SLC1A7: variants seen among roughly 807,000 people sequenced by gnomAD.
The protein encoded by SLC1A7 is solute carrier family 1 member 7, also known as excitatory amino acid transporter 5.
In SLC1A7, 40 loss-of-function variants were observed where a neutral mutation model predicts 47.7. That is an observed-to-expected ratio of 0.84 (90% CI 0.65 to 1.09). The LOEUF (loss-of-function observed/expected upper bound fraction) is 1.09, where lower values mean the gene tolerates loss of function less well. Ranked by LOEUF, SLC1A7 falls within the 50% of genes least tolerant of loss-of-function variation. The pLI is 0.00. For synonymous variants in SLC1A7, 323 were observed against 325.6 expected, an observed-to-expected ratio of 0.99 and a Z score of 0.09; for missense variants, 746 against 769.5, an observed-to-expected ratio of 0.97 and a Z score of 0.36.
At chr1:53,103,598 G>A (rs1321571107) in intron 4 of SLC1A7, 30 bp from the exon 5 acceptor site, 1 of 1,407,176 alleles carries the variant, frequency 7.1e-7, no homozygotes, top group Admixed American at 2.2e-5. Flanking sequence ...CCAGAGAGAA[G>A]TCAGGGCCAA....
chr1:53,099,663 C>T (rs1165896097), intron 5 of SLC1A7, among the ~76,000 whole-genome samples: 1 of 151,612 alleles, frequency 6.6e-6, no homozygotes, highest in African/African-American at 2.4e-5. Context: ...TACACTCACA[C>T]ACCTTGCCTC....
chr1:53,110,574 C>A (rs1482573920), intron 3 of SLC1A7, among the ~76,000 whole-genome samples: 1 of 152,122 alleles, frequency 6.6e-6, no homozygotes, highest in Non-Finnish European at 1.5e-5. Flanking sequence ...AGCCCCGCAG[C>A]CCCTGAGTAA....
chr1:53,127,173 G>A (rs1406587993), intron 2 of SLC1A7, among the ~76,000 whole-genome samples: 2 of 151,318 alleles, frequency 1.3e-5, no homozygotes, highest in Non-Finnish European at 2.9e-5. Flanking sequence ...TGCTGATGGT[G>A]AGACTTTCCC....
At position 53,087,888 on chromosome 1, in the gene SLC1A7, C is replaced by G; in HGVS notation, c.*121G>C. On this transcript the variant is annotated 3_prime_UTR_variant, in exon 11 of 11. Transcript: ENST00000371494. ...TCAAGCGGGGTTAATTCCAGCCTCT[C>G]AAGGGTGAGAAGAATGTGTGATCCT... The G allele has an allele frequency of 2.0e-6, 1 of 503,644 alleles. No homozygotes were observed. The highest frequency in any genetic ancestry group is 6.1e-5 in the South Asian group (1 of 16,288). 31.2% of individuals were successfully genotyped at this position (503,644 alleles called of 1,614,324 possible).
chr1:53,134,903 T>C (rs968162110), intron 1 of SLC1A7, among the ~76,000 whole-genome samples: 5 of 152,166 alleles, frequency 3.3e-5, no homozygotes, highest in Non-Finnish European at 5.9e-5. Context: ...TAGAATATAC[T>C]GTAATAAAAG....
chr1:53,087,724 G>T lies in SLC1A7; in HGVS notation c.*285C>A. 3.5e-6 allele frequency: 1 copy of T among 285,260 alleles called. No individual in the cohort carries two copies. The highest frequency in any genetic ancestry group is 6.6e-6 in the Non-Finnish European group (1 of 152,612). 17.7% of individuals were successfully genotyped at this position (285,260 alleles called of 1,614,324 possible). Reference sequence around the variant, plus strand: ...AGTCTGTCATCCAGAAAGTGGGGCCGGATAACCCCTGCCTGCCGCCCTCAC... The same window carrying T: ...AGTCTGTCATCCAGAAAGTGGGGCCTGATAACCCCTGCCTGCCGCCCTCAC... On this transcript the variant is annotated 3_prime_UTR_variant, in exon 11 of 11. Coordinates refer to ENST00000371494, the MANE Select transcript of SLC1A7 (RefSeq NM_006671.6).
At chr1:53,096,895 C>T (rs368325528) in intron 5 of SLC1A7, among the ~76,000 whole-genome samples, 4 of 148,982 alleles carry the variant, frequency 2.7e-5, no homozygotes, top group African/African-American at 7.4e-5. Context: ...CGACCTGCCT[C>T]GGTACACTCA....
intron 5 of SLC1A7, chr1:53,103,081 A>C: frequency 1.3e-5 from 5 of 370,978 alleles, no homozygotes; most frequent in East Asian, 4.6e-5. Context: ...GAGGGCAGCA[A>C]AGGGAAGGGT....
At chr1:53,110,944 C>T (rs1199197731) in intron 3 of SLC1A7, among the ~76,000 whole-genome samples, 2 of 152,126 alleles carry the variant, frequency 1.3e-5, no homozygotes, top group Non-Finnish European at 2.9e-5. Flanking sequence ...TTAAACCCCA[C>T]GTGTGCATTC....
intron 2 of SLC1A7, among the ~76,000 whole-genome samples, chr1:53,121,022 C>A (rs1644814434): frequency 6.6e-6 from 1 of 152,228 alleles, no homozygotes; most frequent in Admixed American, 6.5e-5. Flanking sequence ...TGCTGTGAGG[C>A]CAAATCTTGG....
intron 2 of SLC1A7, among the ~76,000 whole-genome samples, chr1:53,117,793 G>T (rs1644777630): frequency 1.3e-5 from 2 of 152,226 alleles, no homozygotes; most frequent in South Asian, 4.1e-4. Context: ...CCAACTCAGG[G>T]ACAGATTGAG....
intron 5 of SLC1A7, among the ~76,000 whole-genome samples, chr1:53,096,120 AC>A (rs931491642): frequency 8.4e-5 from 11 of 131,314 alleles, no homozygotes. Flanking sequence ...ACACTCACAC[AC>A]CCCACCTCAG....
intron 1 of SLC1A7, among the ~76,000 whole-genome samples, chr1:53,140,130 G>T (rs1192194300): frequency 6.6e-6 from 1 of 152,196 alleles, no homozygotes; most frequent in African/African-American, 2.4e-5. Context: ...AAAGTAAGAT[G>T]CTGAGAAAGC....
chr1:53,113,924 C>A (rs1470585505), intron 3 of SLC1A7, among the ~76,000 whole-genome samples: 3 of 152,134 alleles, frequency 2.0e-5, no homozygotes, highest in Admixed American at 6.5e-5. Flanking sequence ...CCCAGGCCTG[C>A]CCTCCCTGCC....
intron 4 of SLC1A7, among the ~76,000 whole-genome samples, chr1:53,105,452 G>A (rs536946030): frequency 4.6e-5 from 7 of 152,270 alleles, no homozygotes; most frequent in African/African-American, 1.7e-4. Context: ...GTGGATGGGC[G>A]AGATGGTGTA....
rs1435872310 is a variant in SLC1A7 at position 53,129,290 on chromosome 1, G to C, written c.215+5060C>G. Among the ~76,000 whole-genome samples the C allele has an allele frequency of 3.3e-5, 5 of 152,168 alleles. 1 individual carries two copies. The highest frequency in any genetic ancestry group is 7.3e-5 in the Non-Finnish European group (5 of 68,028). On this transcript the variant is annotated intron_variant, in intron 2 of 10. Coordinates refer to ENST00000371494, the MANE Select transcript of SLC1A7 (RefSeq NM_006671.6). ...TACTTACTTTTCGTAATAACCTCGT[G>C]AAGGAGGTATTCTTCCCACTTTATA...
At chr1:53,117,994 A>G (rs989625249) in intron 2 of SLC1A7, among the ~76,000 whole-genome samples, 2 of 152,238 alleles carry the variant, frequency 1.3e-5, no homozygotes, top group Non-Finnish European at 1.5e-5. Flanking sequence ...AGCCGCGGGA[A>G]CTGCTGGTGA....
At chr1:53,118,953 C>T (rs562599833) in intron 2 of SLC1A7, among the ~76,000 whole-genome samples, 17 of 152,240 alleles carry the variant, frequency 1.1e-4, no homozygotes, top group South Asian at 2.1e-4. Context: ...GCTGAGGCCA[C>T]GCCATTGCAC....
At chr1:53,114,377 G>T (rs1366188470) in intron 3 of SLC1A7, among the ~76,000 whole-genome samples, 1 of 152,116 alleles carries the variant, frequency 6.6e-6, no homozygotes, top group Non-Finnish European at 1.5e-5. Flanking sequence ...CTACCTACCG[G>T]TGACTCTGGA....
Sources: allele counts gnomAD v4.1 joint callset (sites outside exome capture counted in the v4.1 genomes callset), GRCh38; gene constraint gnomAD v4.1.1; transcripts MANE v1.5; gene names NCBI Gene and HGNC (gene_info 2026-07-23, HGNC 2026-07-21).